The following PAX5 variants were observed in gnomAD, a reference collection of about 807,000 sequenced individuals.
The protein encoded by PAX5 is paired box protein Pax-5.
In PAX5, 9 loss-of-function variants were observed where a neutral mutation model predicts 43.7. The observed-to-expected ratio is 0.21, with a 90% CI of 0.12 to 0.36. The LOEUF is 0.36. PAX5 is among the 10% of genes least tolerant of loss of function. The pLI, the probability that PAX5 is intolerant of heterozygous loss-of-function variation, is 1.00. For synonymous variants in PAX5, 228 were observed against 214.3 expected (o/e 1.06, Z -0.56); for missense variants, 383 against 532.7 (o/e 0.72, Z 2.77).
intron 7 of PAX5, among the ~76,000 whole-genome samples, chr9:36,914,420 G>A (rs1036782581): frequency 6.6e-6 from 1 of 152,198 alleles, no homozygotes; most frequent in African/African-American, 2.4e-5. Flanking sequence ...GTCCATACCT[G>A]TGTGTAAGGC....
intron 6 of PAX5, among the ~76,000 whole-genome samples, chr9:36,965,372 C>A (rs544164594): frequency 6.6e-6 from 1 of 152,204 alleles, no homozygotes; most frequent in Non-Finnish European, 1.5e-5. Context: ...TATGTGAATG[C>A]GTCTTGCAGC....
At chr9:36,878,567 C>T (rs1826126658) in intron 8 of PAX5, among the ~76,000 whole-genome samples, 1 of 152,128 alleles carries the variant, frequency 6.6e-6, no homozygotes, top group Non-Finnish European at 1.5e-5. Flanking sequence ...GGTGAGAGTC[C>T]AAGGTGTGCT....
In PAX5 at chr9:36,885,409, G is replaced by A. The variant is rs3780138; in HGVS notation, c.911-3304C>T. Reference sequence around the variant, plus strand: ...GAGTCCCTTAGTCATTCTGAGCCTCGATTTCCTTATCTATAAAATGGGGAG... The same window carrying A: ...GAGTCCCTTAGTCATTCTGAGCCTCAATTTCCTTATCTATAAAATGGGGAG... On this transcript the variant is annotated intron_variant, in intron 7 of 9. Transcript: ENST00000358127. Among the ~76,000 whole-genome samples the A allele has an allele frequency of 5.0e-3, 756 of 152,020 alleles. 3 individuals are homozygous for A. The highest frequency in any genetic ancestry group is 7.6e-3 in the Non-Finnish European group (517 of 67,950).
intron 7 of PAX5, among the ~76,000 whole-genome samples, chr9:36,901,651 T>C (rs1200349582): frequency 6.6e-6 from 1 of 152,154 alleles, no homozygotes; most frequent in Non-Finnish European, 1.5e-5. Flanking sequence ...TAGGGGGGTC[T>C]GGGATTGGAG....
intron 7 of PAX5, among the ~76,000 whole-genome samples, chr9:36,913,235 C>T (rs1004857616): frequency 1.3e-5 from 2 of 152,240 alleles, no homozygotes; most frequent in Admixed American, 6.5e-5. Context: ...CCTCAGTCCC[C>T]AGGGCCCAGG....
At chr9:36,900,414 G>A (rs1828276164) in intron 7 of PAX5, among the ~76,000 whole-genome samples, 1 of 152,198 alleles carries the variant, frequency 6.6e-6, no homozygotes, top group African/African-American at 2.4e-5. Flanking sequence ...CCTGCAGCAT[G>A]GGCCAGGCCT....
chr9:37,007,622 C>T (rs921397860), intron 3 of PAX5: 1 of 152,334 alleles, frequency 6.6e-6, no homozygotes, highest in South Asian at 2.1e-4. Context: ...AATAAAATGT[C>T]CGGTTTCTTT....
At chr9:36,931,833 AGAGTGAG>A (rs1452194951) in intron 6 of PAX5, among the ~76,000 whole-genome samples, 2 of 143,634 alleles carry the variant, frequency 1.4e-5, no homozygotes, top group African/African-American at 5.1e-5. Context: ...CCTGGGCAAC[AGAGTGAG>A]ACTCTGTCTC....
intron 7 of PAX5, among the ~76,000 whole-genome samples, chr9:36,914,704 T>C (rs1829588613): frequency 6.6e-6 from 1 of 152,164 alleles, no homozygotes; most frequent in African/African-American, 2.4e-5. Flanking sequence ...AAGGGGATGC[T>C]GGGTGGAACT....
intron 3 of PAX5, among the ~76,000 whole-genome samples, chr9:37,014,285 A>C (rs2132466388): frequency 6.6e-6 from 1 of 152,350 alleles, no homozygotes; most frequent in East Asian, 1.9e-4. Context: ...GATCCTGTGC[A>C]TGACTCCCAG....
chr9:36,971,839 G>A (rs1445278766), intron 5 of PAX5, among the ~76,000 whole-genome samples: 2 of 152,154 alleles, frequency 1.3e-5, no homozygotes, highest in Admixed American at 6.5e-5. Flanking sequence ...TTACACAATC[G>A]GGTCTGGTCA....
intron 7 of PAX5, among the ~76,000 whole-genome samples, chr9:36,909,735 C>A (rs1829098469): frequency 2.6e-5 from 4 of 151,830 alleles, no homozygotes; most frequent in Admixed American, 2.6e-4. Context: ...TCTCAACTCT[C>A]CCCAAGTGTG....
intron 8 of PAX5, among the ~76,000 whole-genome samples, chr9:36,869,576 C>T (rs1191342701): frequency 6.6e-6 from 1 of 152,250 alleles, no homozygotes; most frequent in African/African-American, 2.4e-5. Context: ...CCAAGCCCCT[C>T]TGTGTCTGAC....
Position 36,882,323 on chromosome 9 carries a change from C to A in PAX5, c.911-218G>T, listed in dbSNP as rs977309665. Among the ~76,000 whole-genome samples, 2 of 152,230 alleles carry A rather than the reference C, an allele frequency of 1.3e-5. No homozygotes were observed. Among genetic ancestry groups the A allele is most frequent in the South Asian group, 2.1e-4 (1 of 4,816 alleles). ...ATGCACACACATCTCCAGCCACCCT[C>A]GCTCCACTCAGCAAGAACAGAGTCA... On this transcript the variant is annotated intron_variant, in intron 7 of 9. Transcript: ENST00000358127. This position sits in a 1 kb window ranked among gnomAD's most constrained non-coding sequence, Gnocchi z 4.4.
rs528158465 is a variant in PAX5 at position 36,840,610 on chromosome 9, C to T, written c.1126G>A (p.Ala376Thr). 2.0e-4 allele frequency: 309 copies of T among 1,578,774 alleles called. No homozygotes were observed. Among genetic ancestry groups the T allele is most frequent in the Non-Finnish European group, 2.5e-4 (288 of 1,163,170 alleles). The change falls in exon 10 of 10, where the codon GCC becomes ACC. Residue 376 changes from alanine to threonine, a missense_variant. Physicochemically the swap from Ala to Thr is moderately conservative, Grantham distance 58 (BLOSUM62 0). Coordinates refer to ENST00000358127, the MANE Select transcript of PAX5 (RefSeq NM_016734.3). Reference protein sequence around the residue: ...LGSPYYYSAAARGAAPPAAAT... With the variant: ...LGSPYYYSAATRGAAPPAAAT... ...GCTGCAGGTGGGGCGGCTCCTCGGGCGGCAGCGCTATAATAGTAGGGGGAG... is the reference window on the plus strand; with the variant it reads ...GCTGCAGGTGGGGCGGCTCCTCGGGTGGCAGCGCTATAATAGTAGGGGGAG...
At chr9:36,929,250 GAAGGA>G (rs1339836102) in intron 6 of PAX5, among the ~76,000 whole-genome samples, 3 of 46,168 alleles carry the variant, frequency 6.5e-5, no homozygotes, top group Non-Finnish European at 1.4e-4. Context: ...AGGAAGGAAG[GAAGGA>G]AGGAAGGAAG....
chr9:36,866,074 A>G (rs999297133), intron 8 of PAX5, among the ~76,000 whole-genome samples: 1 of 152,216 alleles, frequency 6.6e-6, no homozygotes, highest in Non-Finnish European at 1.5e-5. Flanking sequence ...AGGTGCCTCA[A>G]ATCCATTTTG....
chr9:36,902,046 G>A (rs1170498300), intron 7 of PAX5, among the ~76,000 whole-genome samples: 2 of 152,140 alleles, frequency 1.3e-5, no homozygotes, highest in Admixed American at 1.3e-4. Flanking sequence ...CCCTAGACCA[G>A]GGTGTCCCTG....
intron 6 of PAX5, among the ~76,000 whole-genome samples, chr9:36,925,449 G>A (rs539496081): frequency 6.6e-5 from 10 of 152,250 alleles, no homozygotes; most frequent in Admixed American, 2.6e-4. Context: ...ATTGGCACAG[G>A]GGTAGATAAA....
Sources: gnomAD v4.1 joint callset for allele counts (sites outside exome capture counted in the v4.1 genomes callset) on GRCh38, gnomAD v4.1.1 for gene constraint, Gnocchi (gnomAD v3.1) non-coding constraint, MANE v1.5 for transcripts, NCBI Gene and HGNC (gene_info 2026-07-23, HGNC 2026-07-21) for gene names.